Variants in ARHGEF3 observed in about 807,000 individuals in gnomAD.
ARHGEF3 encodes the protein 59.8 kDA protein.
ARHGEF3 carries 28 observed loss-of-function variants against 63.2 expected under a neutral mutation model. That is an observed-to-expected ratio of 0.44 (90% confidence interval 0.33 to 0.61). The LOEUF (loss-of-function observed/expected upper bound fraction) is 0.61. Among genes scored for constraint, ARHGEF3 ranks in the 20% least tolerant of loss-of-function variants. The pLI is 0.03. For missense variants in ARHGEF3, 533 were observed against 659.3 expected (o/e 0.81, Z 2.10); for synonymous variants, 266 against 254.2 (o/e 1.05, Z -0.44).
chr3:57,043,610 A>T (rs1704322194), intron 1 of ARHGEF3, among the ~76,000 whole-genome samples: 1 of 152,188 alleles, frequency 6.6e-6, no homozygotes, highest in African/African-American at 2.4e-5. Flanking sequence ...AAGGCTTCTC[A>T]GAGGAGGTGA....
chr3:57,059,937 A>T (rs1053004598), intron 1 of ARHGEF3, among the ~76,000 whole-genome samples: 1 of 152,198 alleles, frequency 6.6e-6, no homozygotes, highest in Non-Finnish European at 1.5e-5. Context: ...CAGAGGTTGC[A>T]GTCAGCGGAG....
At chr3:56,819,954 C>T (rs885024) in intron 4 of ARHGEF3, among the ~76,000 whole-genome samples, 10,195 of 151,812 alleles carry the variant, frequency 0.067, 1,139 homozygotes, top group African/African-American at 0.23. Context: ...GGACTACAGG[C>T]GTGCACCACC....
chr3:56,770,722 G>A (rs975546890), intron 2 of ARHGEF3, among the ~76,000 whole-genome samples: 4 of 152,012 alleles, frequency 2.6e-5, no homozygotes, highest in African/African-American at 4.8e-5. Flanking sequence ...TAAGCACATC[G>A]CTCAATTCTC....
chr3:56,927,660 C>T (rs1328404058), intron 3 of ARHGEF3, among the ~76,000 whole-genome samples: 1 of 152,124 alleles, frequency 6.6e-6, no homozygotes, highest in Non-Finnish European at 1.5e-5. Context: ...CCTGGAGGTT[C>T]AATGTCAGGG....
intron 3 of ARHGEF3, among the ~76,000 whole-genome samples, chr3:56,911,498 C>T (rs898557251): frequency 6.6e-6 from 1 of 152,074 alleles, no homozygotes; most frequent in African/African-American, 2.4e-5. Context: ...GTCCTAAAGC[C>T]ACCCATTGTT....
intron 2 of ARHGEF3, among the ~76,000 whole-genome samples, chr3:56,967,835 A>ATATT (rs1700634866): frequency 1.3e-5 from 1 of 76,474 alleles, no homozygotes; most frequent in Non-Finnish European, 2.2e-5. Context: ...AATATATATT[A>ATATT]ATTATATTAT....
chr3:56,972,744 T>C (rs1476468761), intron 2 of ARHGEF3, among the ~76,000 whole-genome samples: 2 of 151,930 alleles, frequency 1.3e-5, no homozygotes, highest in African/African-American at 2.4e-5. Flanking sequence ...TGAAACCAGA[T>C]GGCAAGGGTC....
intron 2 of ARHGEF3, among the ~76,000 whole-genome samples, chr3:57,012,340 C>T (rs1392847491): frequency 1.3e-5 from 2 of 152,184 alleles, no homozygotes; most frequent in Non-Finnish European, 2.9e-5. Flanking sequence ...CTCACTGCAA[C>T]CTCCACCTCC....
At chr3:57,070,632 T>C (rs1440203174) in intron 1 of ARHGEF3, among the ~76,000 whole-genome samples, 3 of 152,010 alleles carry the variant, frequency 2.0e-5, no homozygotes, top group Non-Finnish European at 2.9e-5. Context: ...CTAAAATTCA[T>C]AGGGAGATCC....
intron 1 of ARHGEF3, among the ~76,000 whole-genome samples, chr3:56,790,090 G>A (rs948493412): frequency 6.6e-6 from 1 of 152,154 alleles, no homozygotes; most frequent in African/African-American, 2.4e-5. Context: ...AAGAAGCTAA[G>A]CCTACCTTTG....
chr3:57,005,337 G>T (rs1371148069), intron 2 of ARHGEF3, among the ~76,000 whole-genome samples: 3 of 152,148 alleles, frequency 2.0e-5, no homozygotes, highest in Non-Finnish European at 2.9e-5. Flanking sequence ...GCATAAAGTA[G>T]CTTGCCCACG....
chr3:57,063,090 G>A (rs1705319946), intron 1 of ARHGEF3, among the ~76,000 whole-genome samples: 1 of 152,234 alleles, frequency 6.6e-6, no homozygotes. Flanking sequence ...GAAGGCTGAA[G>A]GAAATGAGGG....
At chr3:56,953,115 A>G (rs1243831552) in intron 3 of ARHGEF3, among the ~76,000 whole-genome samples, 3 of 152,324 alleles carry the variant, frequency 2.0e-5, no homozygotes, top group South Asian at 2.1e-4. Context: ...CGTTCAGTCA[A>G]CAAAAGTAAA....
intron 4 of ARHGEF3, among the ~76,000 whole-genome samples, chr3:56,849,274 T>G (rs566864872): frequency 3.3e-5 from 5 of 152,282 alleles, no homozygotes; most frequent in African/African-American, 9.6e-5. Flanking sequence ...CAAGTGTGCA[T>G]GAGAAGCTAA....
At chr3:56,910,491 T>C (rs958820879) in intron 3 of ARHGEF3, among the ~76,000 whole-genome samples, 1 of 152,146 alleles carries the variant, frequency 6.6e-6, no homozygotes, top group Non-Finnish European at 1.5e-5. Flanking sequence ...TGATATAATA[T>C]AATCTCAGAC....
At chr3:56,962,240 C>G (rs1359562470) in intron 2 of ARHGEF3, among the ~76,000 whole-genome samples, 2 of 152,182 alleles carry the variant, frequency 1.3e-5, no homozygotes, top group Non-Finnish European at 2.9e-5. Flanking sequence ...TGCACCATCA[C>G]GGAAGCACCA....
chr3:56,956,860 A>AAAT lies in ARHGEF3; in HGVS notation c.129+1962_129+1963insATT, dbSNP rs1484121384. Among the ~76,000 whole-genome samples the AAAT allele has an allele frequency of 6.2e-4, 95 of 152,360 alleles. No individual in the cohort carries two copies. In the Middle Eastern group the frequency reaches 0.027, roughly 44 times the overall value. ...CTCTATAGTTCAAAATTGACTGTTA[A>AAAT]TGTCAGCTATTCCAAAGTGCATACA... On this transcript the variant is annotated intron_variant, in intron 3 of 12. Coordinates refer to the ARHGEF3 transcript ENST00000338458.
At chr3:56,769,153 T>G (rs113461549) in intron 2 of ARHGEF3, among the ~76,000 whole-genome samples, 48 of 152,334 alleles carry the variant, frequency 3.2e-4, no homozygotes, top group African/African-American at 1.1e-3. Context: ...CCAAAGAGAA[T>G]GAGGGGCTAC....
chr3:56,752,644 C>G (rs1349338802), intron 4 of ARHGEF3, among the ~76,000 whole-genome samples: 1 of 152,218 alleles, frequency 6.6e-6, no homozygotes, highest in African/African-American at 2.4e-5. Flanking sequence ...TGGGAAACAC[C>G]TGAAGGTGCT....
Sources: gnomAD v4.1 joint callset for allele counts (sites outside exome capture counted in the v4.1 genomes callset) on GRCh38, gnomAD v4.1.1 for gene constraint, MANE v1.5 for transcripts, NCBI Gene and HGNC (gene_info 2026-07-23, HGNC 2026-07-21) for gene names.